CNP: variants seen among roughly 807,000 people sequenced by gnomAD.
The protein encoded by CNP is 2',3'-cyclic nucleotide 3' phosphodiesterase, also known as 2',3'-cyclic-nucleotide 3'-phosphodiesterase.
In CNP, 8 loss-of-function variants were observed where a neutral mutation model predicts 37.9. The ratio of observed to expected loss-of-function variants is 0.21; its 90% CI spans 0.12 to 0.38. CNP has a LOEUF of 0.38. CNP is among the 10% of genes least tolerant of loss of function. CNP has a pLI of 1.00. For synonymous variants in CNP, 237 were observed against 238.3 expected (o/e 0.99, Z 0.05); for missense variants, 457 against 551.0 (o/e 0.83, Z 1.71).
intron 1 of CNP, 153 bp from the exon 2 acceptor site, chr17:41,967,915 A>G: frequency 1.4e-6 from 2 of 1,455,078 alleles, no homozygotes; most frequent in Admixed American, 2.7e-5. Context: ...CTCCACGACC[A>G]GAAGCGGAAA....
chr17:41,973,438 A>G, intron 3 of CNP, 37 bp from the exon 4 acceptor site: 1 of 1,578,398 alleles, frequency 6.3e-7, no homozygotes. Context: ...AGAGCCTGCC[A>G]TCTCTAGCTT....
rs782670172 is a variant in CNP at position 41,973,951 on chromosome 17, AGAAGG to A, written c.*34_*38del. ...TGTTCTCACCACCACTTATGCCCCT[AGAAGG>A]GAAGGGGAGAGGGAAACGTGCCCTC... On this transcript the variant is annotated 3_prime_UTR_variant, in exon 4 of 4. Transcript: ENST00000393892. The A allele has an allele frequency of 1.4e-6, 2 of 1,443,516 alleles. No individual in the cohort carries two copies. Among genetic ancestry groups the A allele is most frequent in the Admixed American group, 5.0e-5 (2 of 40,198 alleles). The allele number at this position is 1,443,516 out of a possible 1,614,324, so 89.4% of individuals were successfully genotyped here.
intron 2 of CNP, among the ~76,000 whole-genome samples, chr17:41,969,677 T>C (rs1030371528): frequency 1.3e-5 from 2 of 152,064 alleles, no homozygotes; most frequent in Non-Finnish European, 2.9e-5. Flanking sequence ...TGCCTCAGCC[T>C]CTCGAGTAGC....
rs2050944422 is a variant in CNP, at chr17:41,968,945, G to C, written c.676+205G>C. On this transcript the variant is annotated intron_variant, in intron 2 of 3. Transcript: ENST00000393892. The surrounding 1 kb of genome is among the most constrained non-coding windows in gnomAD (Gnocchi z 4.8). ...ACATTGGGAACACGGGGGCTTCCCA[G>C]AGCGCCTTTCCTCCCACCACACCTA... 6.6e-6 allele frequency among the ~76,000 whole-genome samples: 1 copy of C among 152,174 alleles called. No homozygotes were observed. Among genetic ancestry groups the C allele is most frequent in the Non-Finnish European group, 1.5e-5 (1 of 68,034 alleles).
At chr17:41,967,016 A>T in intron 1 of CNP, 129 bp downstream of exon 1, 2 of 1,106,852 alleles carry the variant, frequency 1.8e-6, no homozygotes, top group Non-Finnish European at 2.3e-6. Context: ...TTTTCTTGGT[A>T]CTCAGGGCGG....
intron 2 of CNP, chr17:41,971,099 G>A (rs532787682): frequency 1.3e-5 from 2 of 152,352 alleles, no homozygotes; most frequent in Non-Finnish European, 2.9e-5. Flanking sequence ...GGGGTATATG[G>A]TCACCCTAAC....
chr17:41,975,974 A>T lies in CNP; in HGVS notation c.*2050A>T, dbSNP rs1555644680. The T allele has an allele frequency of 6.6e-6, 1 of 152,228 alleles. No homozygotes were observed. The highest frequency in any genetic ancestry group is 1.9e-4 in the East Asian group (1 of 5,196). 9.4% of individuals were successfully genotyped at this position (152,228 alleles called of 1,614,324 possible). A position where few individuals can be genotyped will look rare whatever the true frequency, so the allele number is the denominator to read the frequency against. ...GTGGCCAGACCAGAGCTCTGGAGCC[A>T]CCTGTCCCACCTCAAATGGGTCTGG... is the stretch of plus-strand genomic sequence containing the variant. On this transcript the variant is annotated 3_prime_UTR_variant, in exon 4 of 4. Coordinates refer to ENST00000393892, the MANE Select transcript of CNP (RefSeq NM_033133.5).
intron 3 of CNP, among the ~76,000 whole-genome samples, chr17:41,973,161 A>G (rs2051015430): frequency 6.6e-6 from 1 of 152,174 alleles, no homozygotes; most frequent in African/African-American, 2.4e-5. Context: ...TGATGAAGCC[A>G]AGGCACCGAG....
At chr17:41,969,213 G>A (rs1206870242) in intron 2 of CNP, among the ~76,000 whole-genome samples, 1 of 152,084 alleles carries the variant, frequency 6.6e-6, no homozygotes, top group African/African-American at 2.4e-5. Flanking sequence ...TTAAAACTAG[G>A]ACTATTGTGG....
At position 41,967,618 on chromosome 17, in the gene CNP, TG is replaced by T. The variant is rs2050920074; in HGVS notation, c.4-449del. On this transcript the variant is annotated intron_variant, in intron 1 of 3. Coordinates refer to ENST00000393892, the MANE Select transcript of CNP (RefSeq NM_033133.5). ...TGCCAGACAAGAGAGTATTATCTGTTGCGGCCATTGTTGGGGGAAGGGAGGC... is the reference window on the plus strand; with the variant it reads ...TGCCAGACAAGAGAGTATTATCTGTTCGGCCATTGTTGGGGGAAGGGAGGC... 11 of 996,786 alleles carry T rather than the reference TG, an allele frequency of 1.1e-5. 1 individual carries two copies. Among genetic ancestry groups the T allele is most frequent in the Non-Finnish European group, 1.3e-5 (11 of 832,070 alleles). The allele number at this position is 996,786 out of a possible 1,614,324, so 61.7% of individuals were successfully genotyped here.
rs1272290026 is a variant in CNP, at chr17:41,974,658, T to C, written c.*734T>C. ...TCCCTGCCCCCTCCCCTTCACACCATAACTAGGTAACAGTTTGATAACTAG... is the reference window on the plus strand; with the variant it reads ...TCCCTGCCCCCTCCCCTTCACACCACAACTAGGTAACAGTTTGATAACTAG... On this transcript the variant is annotated 3_prime_UTR_variant, in exon 4 of 4. Transcript: ENST00000393892. The C allele has an allele frequency of 6.6e-6, 1 of 152,254 alleles. No individual in the cohort carries two copies. Among genetic ancestry groups the C allele is most frequent in the Non-Finnish European group, 1.5e-5 (1 of 68,114 alleles). 9.4% of individuals were successfully genotyped at this position (152,254 alleles called of 1,614,324 possible). A position where few individuals can be genotyped will look rare whatever the true frequency, so the allele number is the denominator to read the frequency against.
chr17:41,970,909 G>A (rs2050977460), intron 2 of CNP: 1 of 152,208 alleles, frequency 6.6e-6, no homozygotes, highest in Non-Finnish European at 1.5e-5. Context: ...TCCTCTTTGT[G>A]TCTTCCAGCC....
chr17:41,968,734 C>A lies in CNP; in HGVS notation c.670C>A (p.Arg224=), dbSNP rs782162677. 6.2e-7 allele frequency: 1 copy of A among 1,607,882 alleles called. No homozygotes were observed. Among genetic ancestry groups the A allele is most frequent in the South Asian group, 1.1e-5 (1 of 90,742 alleles). The change falls in exon 2 of 4, where the codon CGA becomes AGA. Residue 224 remains arginine (R), a synonymous_variant. Transcript: ENST00000393892. The surrounding 1 kb of genome is among the most constrained non-coding windows in gnomAD (Gnocchi z 4.8). ...CCACAAGGCCTTCAAGAAGGAGCTGCGACAATGTAGGTGGCAGGTTGGGGC... is the reference window on the plus strand; with the variant it reads ...CCACAAGGCCTTCAAGAAGGAGCTGAGACAATGTAGGTGGCAGGTTGGGGC... ...GNHKAFKKEL[R]QFVPGDEPRE...
rs1598108800 is a variant in CNP, at chr17:41,976,461, C to T, written c.*2537C>T. On this transcript the variant is annotated 3_prime_UTR_variant, in exon 4 of 4. Transcript: ENST00000393892. The stretch of plus-strand genomic sequence containing the variant: ...AGGAAGGGTCAAAACATTTTATTCT[C>T]TTTTTTTTTTCTTTTTTAATAAAGT... 6.0e-6 allele frequency: 2 copies of T among 335,942 alleles called. No homozygotes were observed. Among genetic ancestry groups the T allele is most frequent in the Non-Finnish European group, 5.4e-6 (1 of 185,332 alleles). The allele number at this position is 335,942 out of a possible 1,614,324, so 20.8% of individuals were successfully genotyped here.
At position 41,973,658 on chromosome 17, in the gene CNP, G is replaced by A. The variant is rs782439120; in HGVS notation, c.1000G>A (p.Gly334Ser). 16 of 1,613,930 alleles carry A rather than the reference G, an allele frequency of 9.9e-6. No individual in the cohort carries two copies. Among genetic ancestry groups the A allele is most frequent in the Admixed American group, 6.7e-5 (4 of 60,012 alleles). The change falls in exon 4 of 4, where the codon GGC (glycine) becomes AGC (serine). Residue 334 changes from glycine to serine, a missense_variant. By Grantham distance (56) the Gly-to-Ser change is moderately conservative. Transcript: ENST00000393892. Reference protein sequence around the residue: ...PRGSRAHITLGCAADVEAVQT... With the variant: ...PRGSRAHITLSCAADVEAVQT... ...GGGGAGCCGCGCCCACATCACCCTC[G>A]GCTGTGCAGCTGACGTAGAGGCCGT...
Position 41,968,442 on chromosome 17 carries a change from C to T in CNP, c.378C>T (p.His126=), listed in dbSNP as rs112899212. 1.2e-3 allele frequency: 1,903 copies of T among 1,614,160 alleles called. 5 individuals carry two copies. The highest frequency in any genetic ancestry group is 2.0e-3 in the Middle Eastern group (12 of 6,062). Residue 126 remains histidine, a synonymous_variant, in exon 2 of 4, where the codon CAC becomes CAT. Coordinates refer to ENST00000393892, the MANE Select transcript of CNP (RefSeq NM_033133.5). The surrounding 1 kb of genome is among the most constrained non-coding windows in gnomAD (Gnocchi z 4.8). ...IRILVLDDTN[H]ERERLEQLFE... ...TTCTTGTGCTTGATGACACCAACCA[C>T]GAACGGGAACGGCTGGAGCAGCTCT...
In CNP at chr17:41,968,989, C is replaced by G. The variant is rs1339915678; in HGVS notation, c.676+249C>G. On this transcript the variant is annotated intron_variant, in intron 2 of 3. Coordinates refer to ENST00000393892, the MANE Select transcript of CNP (RefSeq NM_033133.5). This position sits in a 1 kb window ranked among gnomAD's most constrained non-coding sequence, Gnocchi z 4.8. ...ACACCTATCCTTCTAGCCCTCTTCT[C>G]TCCGACACCCTTTTCCCAGCCTGAA... 6.6e-6 allele frequency among the ~76,000 whole-genome samples: 1 copy of G among 152,176 alleles called. No individual in the cohort carries two copies. The highest frequency in any genetic ancestry group is 1.5e-5 in the Non-Finnish European group (1 of 68,030).
chr17:41,977,082 G>T lies in CNP; in HGVS notation c.*3158G>T, dbSNP rs1415238195. 6 of 705,122 alleles carry T rather than the reference G, an allele frequency of 8.5e-6. No homozygotes were observed. The East Asian group carries it at 1.4e-4, about 16-fold the overall frequency. The allele number at this position is 705,122 out of a possible 1,614,324, so 43.7% of individuals were successfully genotyped here. ...GTGGCTAAAGGTCCCAAGGCAAGGG[G>T]TGCCTGGGAACCTTCCTGTCTTCAT... On this transcript the variant is annotated 3_prime_UTR_variant, in exon 4 of 4. Coordinates refer to ENST00000393892, the MANE Select transcript of CNP (RefSeq NM_033133.5).
At position 41,968,292 on chromosome 17, in the gene CNP, T is replaced by A; in HGVS notation, c.228T>A (p.Asp76Glu). 2 of 1,614,072 alleles carry A rather than the reference T, an allele frequency of 1.2e-6. No homozygotes were observed. The highest frequency in any genetic ancestry group is 1.7e-6 in the Non-Finnish European group (2 of 1,179,972). ...LARVIVDKYR[D>E]GTKMVSADAY... ...GGGTCATCGTGGACAAGTACCGTGATGGCACCAAGATGGTGTCGGCTGACG... is the reference window on the plus strand; with the variant it reads ...GGGTCATCGTGGACAAGTACCGTGAAGGCACCAAGATGGTGTCGGCTGACG... Residue 76 changes from aspartate (D) to glutamate (E), a missense_variant, in exon 2 of 4, where the codon GAT (aspartate) becomes GAA (glutamate). This residue lies in a region of CNP where 166 missense variants were observed against 259.3 expected (regional missense o/e 0.64). Coordinates refer to ENST00000393892, the MANE Select transcript of CNP (RefSeq NM_033133.5). The surrounding 1 kb of genome is among the most constrained non-coding windows in gnomAD (Gnocchi z 4.8).
Sources: allele counts gnomAD v4.1 joint callset (sites outside exome capture counted in the v4.1 genomes callset), GRCh38; gene constraint gnomAD v4.1.1; regional missense constraint gnomAD v4.1.1; non-coding constraint Gnocchi (gnomAD v3.1); transcripts MANE v1.5; gene names NCBI Gene and HGNC (gene_info 2026-07-23, HGNC 2026-07-21).